The following RCHY1 variants were observed in gnomAD, a reference collection of about 807,000 sequenced individuals.
The protein encoded by RCHY1 is ring finger and CHY zinc finger domain containing 1, also known as RING finger and CHY zinc finger domain-containing protein 1.
In RCHY1, 21 loss-of-function variants were observed where a neutral mutation model predicts 41.6. The ratio of observed to expected loss-of-function variants is 0.51; its 90% CI spans 0.36 to 0.73. The LOEUF (loss-of-function observed/expected upper bound fraction) is 0.73. Ranked by LOEUF, RCHY1 falls within the 30% of genes least tolerant of loss-of-function variation. RCHY1 has a pLI of 0.00. For synonymous variants in RCHY1, 79 were observed against 102.9 expected (o/e 0.77, Z 1.41); for missense variants, 265 against 325.3 (o/e 0.81, Z 1.43).
At chr4:75,489,286 T>C (rs946613043) in intron 8 of RCHY1, among the ~76,000 whole-genome samples, 57 of 152,084 alleles carry the variant, frequency 3.7e-4, no homozygotes, top group African/African-American at 1.4e-3. Context: ...TTTAAGTATT[T>C]ATAGAAGGAT....
chr4:75,492,100 T>C (rs1013544476), intron 4 of RCHY1, among the ~76,000 whole-genome samples, 167 bp from the exon 5 acceptor site: 1 of 151,956 alleles, frequency 6.6e-6, no homozygotes, highest in Non-Finnish European at 1.5e-5. Context: ...TATTTAAATC[T>C]CACACTATTT....
Position 75,508,920 on chromosome 4 carries a change from C to G in RCHY1, c.226G>C (p.Glu76Gln). ...EKIQHAQQTC[E>Q]ECSTLFGEYY... ...TCTCCAAACAATGTGCTACATTCTT[C>G]ACAAGTCTGTTGGGCCTAAAAAAGA... Residue 76 changes from glutamate to glutamine, a missense_variant, in exon 3 of 9, where the codon GAA (glutamate) becomes CAA (glutamine). Coordinates refer to ENST00000324439, the MANE Select transcript of RCHY1 (RefSeq NM_015436.4). 2 of 1,602,346 alleles carry G rather than the reference C, an allele frequency of 1.2e-6. No homozygotes were observed. The highest frequency in any genetic ancestry group is 1.7e-6 in the Non-Finnish European group (2 of 1,175,808).
intron 3 of RCHY1, among the ~76,000 whole-genome samples, chr4:75,507,351 T>A (rs1450683842): frequency 1.3e-5 from 2 of 151,390 alleles, no homozygotes; most frequent in African/African-American, 4.9e-5. Context: ...AGAAAATAAT[T>A]GAAAAATGTA....
chr4:75,511,071 T>C (rs970481448), intron 1 of RCHY1, among the ~76,000 whole-genome samples: 1 of 152,202 alleles, frequency 6.6e-6, no homozygotes, highest in Admixed American at 6.5e-5. Context: ...GGAATATGAT[T>C]GATATGATGC....
At chr4:75,509,065 T>C (rs1724607247) in intron 2 of RCHY1, 112 bp downstream of exon 2, 4 of 1,221,450 alleles carry the variant, frequency 3.3e-6, no homozygotes, top group South Asian at 3.0e-5. Context: ...ACCAAAGATA[T>C]TGCTTATTCT....
chr4:75,497,189 AG>A (rs1723290120), intron 3 of RCHY1, among the ~76,000 whole-genome samples: 1 of 152,182 alleles, frequency 6.6e-6, no homozygotes, highest in African/African-American at 2.4e-5. Context: ...ACAGAGCATG[AG>A]TAAGCTGTGA....
rs1012010705 is a variant in RCHY1, at chr4:75,481,609, C to T, written c.*929G>A. 3 of 152,148 alleles carry T rather than the reference C, an allele frequency of 2.0e-5. No individual in the cohort carries two copies. Among genetic ancestry groups the T allele is most frequent in the Admixed American group, 2.0e-4 (3 of 15,270 alleles). The allele number at this position is 152,148 out of a possible 1,614,324, so 9.4% of individuals were successfully genotyped here. A position where few individuals can be genotyped will look rare whatever the true frequency, so the allele number is the denominator to read the frequency against. ...CTATTCATTTACAATAAGACATCCA[C>T]TCCTTGCATAAAGAAAAATGAGTAC... On this transcript the variant is annotated 3_prime_UTR_variant, in exon 9 of 9. Coordinates refer to ENST00000324439, the MANE Select transcript of RCHY1 (RefSeq NM_015436.4).
At chr4:75,505,721 A>C (rs1159626027) in intron 3 of RCHY1, among the ~76,000 whole-genome samples, 1 of 152,142 alleles carries the variant, frequency 6.6e-6, no homozygotes, top group Non-Finnish European at 1.5e-5. Flanking sequence ...TAGGACTAAA[A>C]CTCCTACTGA....
In RCHY1 at chr4:75,479,768, C is replaced by A. The variant is rs985863997; in HGVS notation, c.*2770G>T. ...AAATAAACTATAGATACAAATTCTG[C>A]GGCAGGGCAACCTAACTTATTTCAG... On this transcript the variant is annotated 3_prime_UTR_variant, in exon 9 of 9. Coordinates refer to ENST00000324439, the MANE Select transcript of RCHY1 (RefSeq NM_015436.4). 1 of 151,940 alleles carries A rather than the reference C, an allele frequency of 6.6e-6. No individual in the cohort carries two copies. The highest frequency in any genetic ancestry group is 1.5e-5 in the Non-Finnish European group (1 of 67,952). 9.4% of individuals were successfully genotyped at this position (151,940 alleles called of 1,614,324 possible). A position where few individuals can be genotyped will look rare whatever the true frequency, so the allele number is the denominator to read the frequency against.
intron 1 of RCHY1, among the ~76,000 whole-genome samples, chr4:75,512,139 A>C (rs1489778549): frequency 3.3e-5 from 5 of 152,154 alleles, no homozygotes; most frequent in African/African-American, 1.2e-4. Context: ...AAAAAGCATC[A>C]CCGTCCTTGC....
At chr4:75,503,438 TG>T (rs1413612908) in intron 3 of RCHY1, among the ~76,000 whole-genome samples, 5 of 152,224 alleles carry the variant, frequency 3.3e-5, no homozygotes, top group Admixed American at 2.6e-4. Flanking sequence ...GGCTCACACC[TG>T]TAATTCCAGC....
chr4:75,489,508 T>C (rs1722554213), intron 8 of RCHY1, among the ~76,000 whole-genome samples: 1 of 152,134 alleles, frequency 6.6e-6, no homozygotes, highest in South Asian at 2.1e-4. Flanking sequence ...ACAATAGCAT[T>C]AGGCAAAACT....
chr4:75,506,221 G>A (rs1724293422), intron 3 of RCHY1, among the ~76,000 whole-genome samples: 2 of 141,840 alleles, frequency 1.4e-5, no homozygotes, highest in Non-Finnish European at 1.5e-5. Flanking sequence ...CCTTCTGAAA[G>A]AAAATTAAAT....
chr4:75,491,843 A>C, intron 5 of RCHY1, 46 bp downstream of exon 5: 1 of 1,602,844 alleles, frequency 6.2e-7, no homozygotes, highest in Non-Finnish European at 8.5e-7. Context: ...AAGTATTTTA[A>C]ATTCAAGAGC....
At chr4:75,500,020 A>G (rs1403297283) in intron 3 of RCHY1, among the ~76,000 whole-genome samples, 2 of 152,194 alleles carry the variant, frequency 1.3e-5, no homozygotes, top group African/African-American at 2.4e-5. Context: ...ACATTCCTAT[A>G]GTCCCAGCTA....
intron 8 of RCHY1, among the ~76,000 whole-genome samples, chr4:75,487,771 T>TAATATATATATTCATA (rs1277928840): frequency 1.4e-5 from 1 of 72,484 alleles, no homozygotes; most frequent in African/African-American, 7.3e-5. Context: ...TATATATTCA[T>TAATATATATATTCATA]ATATATATTC....
intron 3 of RCHY1, among the ~76,000 whole-genome samples, chr4:75,508,531 A>T (rs1358887739): frequency 6.6e-6 from 1 of 152,148 alleles, no homozygotes; most frequent in Non-Finnish European, 1.5e-5. Context: ...ACTTTATATA[A>T]AACATATTTT....
At chr4:75,497,911 AG>A (rs1723369176) in intron 3 of RCHY1, among the ~76,000 whole-genome samples, 1 of 151,854 alleles carries the variant, frequency 6.6e-6, no homozygotes, top group Admixed American at 6.6e-5. Context: ...TTTGAAAGAA[AG>A]AAAAGAAGAC....
chr4:75,512,545 G>A (rs909411690), intron 1 of RCHY1, among the ~76,000 whole-genome samples: 2 of 151,986 alleles, frequency 1.3e-5, no homozygotes, highest in African/African-American at 2.4e-5. Context: ...ATTATAAAAC[G>A]TTCTCACTCT....
Sources: allele counts gnomAD v4.1 joint callset (sites outside exome capture counted in the v4.1 genomes callset), GRCh38; gene constraint gnomAD v4.1.1; transcripts MANE v1.5; gene names NCBI Gene and HGNC (gene_info 2026-07-23, HGNC 2026-07-21).